The following ZNF789 variants were observed in gnomAD, a reference collection of about 807,000 sequenced individuals.
ZNF789 encodes the protein zinc finger protein 789.
Under a neutral mutation model 15.6 loss-of-function variants are expected in ZNF789, and 11 were observed. The observed-to-expected ratio is 0.70, with a 90% CI of 0.44 to 1.16. The LOEUF is 1.16. Among genes scored for constraint, ZNF789 ranks in the 50% most tolerant of loss-of-function variants. The pLI, the probability that ZNF789 is intolerant of heterozygous loss-of-function variation, is 0.00. For synonymous variants in ZNF789, 159 were observed against 176.0 expected (o/e 0.90, Z 0.76); for missense variants, 461 against 512.6 (o/e 0.90, Z 0.97).
rs1439651642 is a variant in ZNF789, at chr7:99,476,386, C to CT, written c.-54-10dup. On this transcript the variant is annotated splice_polypyrimidine_tract_variant and intron_variant, in intron 1 of 4. Transcript: ENST00000331410. ...TTCAAATTAGGGCTGGCCTTACTGA[C>CT]TTTTTTTCTTCTCCAGCTCAGCCAG... The CT allele has an allele frequency of 6.3e-7, 1 of 1,580,542 alleles. No homozygotes were observed. The highest frequency in any genetic ancestry group is 2.3e-5 in the East Asian group (1 of 42,640).
intron 2 of ZNF789, 125 bp from the exon 3 acceptor site, chr7:99,479,536 C>T: frequency 8.3e-7 from 1 of 1,206,852 alleles, no homozygotes; most frequent in South Asian, 1.7e-5. Context: ...GAATATATTC[C>T]TTATGAATTG....
chr7:99,473,694 C>T (rs1286083218), intron 1 of ZNF789, among the ~76,000 whole-genome samples: 1 of 152,216 alleles, frequency 6.6e-6, no homozygotes, highest in South Asian at 2.1e-4. Flanking sequence ...AATCTCGACT[C>T]ACTGCAACCT....
At chr7:99,485,069 C>T (rs1799855755) in intron 4 of ZNF789, 1 of 1,001,652 alleles carries the variant, frequency 1.0e-6, no homozygotes, top group South Asian at 1.6e-5. Flanking sequence ...TTAGGGCACC[C>T]TGGATGCCCC....
chr7:99,479,854 T>C (rs1799529403), intron 3 of ZNF789, 67 bp downstream of exon 3: 2 of 1,479,208 alleles, frequency 1.4e-6, no homozygotes, highest in Non-Finnish European at 1.8e-6. Context: ...CTTAGTCCCT[T>C]ATCTGCAATT....
At chr7:99,477,777 A>G (rs1276722473) in intron 2 of ZNF789, among the ~76,000 whole-genome samples, 2 of 152,070 alleles carry the variant, frequency 1.3e-5, no homozygotes, top group East Asian at 1.9e-4. Flanking sequence ...GTGAAACTCC[A>G]TCTCTACTAA....
chr7:99,476,805 AGTT>A (rs1158888608), intron 2 of ZNF789, among the ~76,000 whole-genome samples: 1 of 152,202 alleles, frequency 6.6e-6, no homozygotes, highest in Non-Finnish European at 1.5e-5. Context: ...TTACCGTAGT[AGTT>A]GCCCATTGTT....
intron 2 of ZNF789, among the ~76,000 whole-genome samples, chr7:99,477,545 G>T (rs556009965): frequency 6.6e-6 from 1 of 151,984 alleles, no homozygotes; most frequent in African/African-American, 2.4e-5. Context: ...ACACCATGTT[G>T]CCCAGGTTGT....
intron 2 of ZNF789, among the ~76,000 whole-genome samples, chr7:99,478,105 C>T (rs775359541): frequency 6.6e-6 from 1 of 151,958 alleles, no homozygotes; most frequent in Non-Finnish European, 1.5e-5. Flanking sequence ...GTTTTTTTTC[C>T]ATCAGTGTTA....
chr7:99,478,878 G>C (rs1247691158), intron 2 of ZNF789: 1 of 154,812 alleles, frequency 6.5e-6, no homozygotes, highest in African/African-American at 2.4e-5. Flanking sequence ...GGAGGACAGG[G>C]GACAGGGCGC....
chr7:99,475,381 G>A (rs1799270822), intron 1 of ZNF789, among the ~76,000 whole-genome samples: 1 of 151,382 alleles, frequency 6.6e-6, no homozygotes, highest in African/African-American at 2.4e-5. Flanking sequence ...CACAACAAGA[G>A]TGAAACTCTG....
In ZNF789 at chr7:99,484,652, G is replaced by A. The variant is rs1264555755; in HGVS notation, c.265+509G>A. Among the ~76,000 whole-genome samples the A allele has an allele frequency of 2.0e-5, 3 of 151,706 alleles. 1 individual carries two copies. Among genetic ancestry groups the A allele is most frequent in the South Asian group, 4.2e-4 (2 of 4,794 alleles). Reference sequence around the variant, plus strand: ...ATATATATATATATCACACAGGCCTGGTATGGGGGCTCACGCCGGTAATCC... The same window carrying A: ...ATATATATATATATCACACAGGCCTAGTATGGGGGCTCACGCCGGTAATCC... On this transcript the variant is annotated intron_variant, in intron 4 of 4. Transcript: ENST00000331410.
chr7:99,484,948 G>C (rs554290835), intron 4 of ZNF789, among the ~76,000 whole-genome samples: 1 of 152,190 alleles, frequency 6.6e-6, no homozygotes, highest in Non-Finnish European at 1.5e-5. Flanking sequence ...CTCACAGTTG[G>C]GAGGTGGACA....
At chr7:99,484,751 A>G (rs538446476) in intron 4 of ZNF789, among the ~76,000 whole-genome samples, 19 of 152,208 alleles carry the variant, frequency 1.2e-4, no homozygotes, top group African/African-American at 4.6e-4. Flanking sequence ...TGATATGGTG[A>G]AACCCCATCT....
intron 1 of ZNF789, among the ~76,000 whole-genome samples, chr7:99,474,398 T>G (rs1337039212): frequency 2.6e-5 from 4 of 152,156 alleles, no homozygotes; most frequent in African/African-American, 9.6e-5. Context: ...ATCAAGACCA[T>G]CCTGGCTAAC....
At chr7:99,479,518 G>A (rs1361703432) in intron 2 of ZNF789, 143 bp from the exon 3 acceptor site, 3 of 986,638 alleles carry the variant, frequency 3.0e-6, no homozygotes, top group Non-Finnish European at 4.2e-6. Flanking sequence ...AGGCCTGAAA[G>A]GAGCCCTGAA....
intron 4 of ZNF789, chr7:99,485,134 T>C: frequency 6.6e-7 from 1 of 1,518,274 alleles, no homozygotes; most frequent in Non-Finnish European, 8.8e-7. Flanking sequence ...GTTCCCTTGC[T>C]TTGTTTTGTT....
intron 3 of ZNF789, chr7:99,480,323 T>A (rs1455575558): frequency 6.5e-6 from 1 of 153,076 alleles, no homozygotes; most frequent in Non-Finnish European, 1.5e-5. Flanking sequence ...AGACTCCGTC[T>A]CAAAACAAAA....
At chr7:99,481,857 G>C in intron 3 of ZNF789, 1 of 350,202 alleles carries the variant, frequency 2.9e-6, no homozygotes, top group Non-Finnish European at 5.3e-6. Flanking sequence ...TCAGTAAATA[G>C]AGTAGATAAT....
At chr7:99,477,630 C>T (rs1359159528) in intron 2 of ZNF789, among the ~76,000 whole-genome samples, 5 of 152,042 alleles carry the variant, frequency 3.3e-5, no homozygotes, top group Admixed American at 6.5e-5. Context: ...TGAGCCACCG[C>T]GCCCAGCCTA....
Sources: allele counts gnomAD v4.1 joint callset (sites outside exome capture counted in the v4.1 genomes callset), GRCh38; gene constraint gnomAD v4.1.1; transcripts MANE v1.5; gene names NCBI Gene and HGNC (gene_info 2026-07-23, HGNC 2026-07-21).